Variants in LRRC4C observed in about 807,000 individuals in gnomAD.
LRRC4C encodes the protein leucine rich repeat containing 4C.
LRRC4C carries 5 observed loss-of-function variants against 33.6 expected under a neutral mutation model. That is an observed-to-expected ratio of 0.15 (90% CI 0.08 to 0.31). The LOEUF (loss-of-function observed/expected upper bound fraction) is 0.31. Ranked by LOEUF, LRRC4C falls within the 10% of genes least tolerant of loss-of-function variation. The pLI, the probability that LRRC4C is intolerant of heterozygous loss-of-function variation, is 1.00. For missense variants in LRRC4C, 560 were observed against 796.7 expected (o/e 0.70, Z 3.58); for synonymous variants, 329 against 302.0 (o/e 1.09, Z -0.93).
At chr11:40,554,685 T>G (rs1376469999) in intron 3 of LRRC4C, among the ~76,000 whole-genome samples, 3 of 152,002 alleles carry the variant, frequency 2.0e-5, no homozygotes, top group Non-Finnish European at 2.9e-5. Context: ...ACCTTCTTGA[T>G]TAGATATATT....
chr11:40,735,145 C>T (rs1381247365), intron 2 of LRRC4C, among the ~76,000 whole-genome samples: 6 of 151,814 alleles, frequency 4.0e-5, no homozygotes, highest in Admixed American at 1.3e-4. Context: ...TTCTCTTTTT[C>T]GTTTTATTCA....
intron 1 of LRRC4C, among the ~76,000 whole-genome samples, chr11:41,295,703 A>C (rs1039592619): frequency 6.6e-6 from 1 of 152,032 alleles, no homozygotes; most frequent in East Asian, 1.9e-4. Flanking sequence ...CACAGATCAT[A>C]TCATATCATG....
At chr11:40,386,039 G>A (rs955326104) in intron 3 of LRRC4C, among the ~76,000 whole-genome samples, 4 of 149,858 alleles carry the variant, frequency 2.7e-5, no homozygotes, top group Non-Finnish European at 5.9e-5. Flanking sequence ...CCCATGAAAC[G>A]AAAATAAAAG....
rs1855248129 is a variant in LRRC4C at position 40,114,255 on chromosome 11, TG to T, written c.*114del. On this transcript the variant is annotated 3_prime_UTR_variant, in exon 7 of 7. Coordinates refer to ENST00000528697, the MANE Select transcript of LRRC4C (RefSeq NM_001258419.2). ...TAATAAATAAATTTCTTTTCTTTTTTGTTTTTTTGTAAAGACACTTTTTTGA... is the reference window on the plus strand; with the variant it reads ...TAATAAATAAATTTCTTTTCTTTTTTTTTTTTTGTAAAGACACTTTTTTGA... 4 of 1,167,370 alleles carry T rather than the reference TG, an allele frequency of 3.4e-6. No homozygotes were observed. Among genetic ancestry groups the T allele is most frequent in the Non-Finnish European group, 4.6e-6 (4 of 862,516 alleles). The allele number at this position is 1,167,370 out of a possible 1,614,324, so 72.3% of individuals were successfully genotyped here.
At chr11:40,477,516 T>C (rs1043868017) in intron 3 of LRRC4C, among the ~76,000 whole-genome samples, 4 of 152,168 alleles carry the variant, frequency 2.6e-5, no homozygotes, top group African/African-American at 9.7e-5. Flanking sequence ...ATTATTTTCA[T>C]TGTTACCTTC....
intron 5 of LRRC4C, among the ~76,000 whole-genome samples, chr11:40,155,652 G>A (rs1302002398): frequency 6.6e-6 from 1 of 151,916 alleles, no homozygotes; most frequent in African/African-American, 2.4e-5. Flanking sequence ...TAGCTTAAAT[G>A]AGGAAGAATC....
chr11:41,201,921 AACACACACAC>A (rs72276649), intron 1 of LRRC4C, among the ~76,000 whole-genome samples: 2 of 150,638 alleles, frequency 1.3e-5, no homozygotes, highest in East Asian at 2.0e-4. Flanking sequence ...CACACACACA[AACACACACAC>A]ACACACACAC....
chr11:40,646,732 G>A (rs943869010), intron 3 of LRRC4C, among the ~76,000 whole-genome samples: 68 of 152,162 alleles, frequency 4.5e-4, no homozygotes, highest in African/African-American at 1.6e-3. Flanking sequence ...TCAGCCTCCC[G>A]AGTAGCTGGG....
chr11:41,151,091 A>G (rs978074341), intron 1 of LRRC4C, among the ~76,000 whole-genome samples: 2 of 151,996 alleles, frequency 1.3e-5, no homozygotes, highest in African/African-American at 4.8e-5. Context: ...ATCAGTAAGC[A>G]TTATATATAT....
At chr11:40,395,429 C>A (rs1219318687) in intron 3 of LRRC4C, among the ~76,000 whole-genome samples, 1 of 152,056 alleles carries the variant, frequency 6.6e-6, no homozygotes, top group Non-Finnish European at 1.5e-5. Flanking sequence ...CATCACCTTT[C>A]TAATAAAAGG....
chr11:40,863,636 A>G (rs960961768), intron 2 of LRRC4C, among the ~76,000 whole-genome samples: 5 of 152,148 alleles, frequency 3.3e-5, no homozygotes, highest in East Asian at 3.9e-4. Flanking sequence ...TGTGAGCCAT[A>G]TTTCTTTTCA....
intron 1 of LRRC4C, among the ~76,000 whole-genome samples, chr11:41,442,618 CA>C (rs1191204771): frequency 4.6e-5 from 7 of 151,560 alleles, no homozygotes; most frequent in Non-Finnish European, 7.4e-5. Flanking sequence ...TACAGGCGCC[CA>C]TCACCACGCC....
intron 6 of LRRC4C, among the ~76,000 whole-genome samples, chr11:40,130,858 T>C (rs987552739): frequency 2.6e-5 from 4 of 152,180 alleles, no homozygotes; most frequent in African/African-American, 9.7e-5. Context: ...TTACTTTAGA[T>C]TGAAATTACC....
chr11:40,318,958 T>A (rs1294382330), intron 4 of LRRC4C, among the ~76,000 whole-genome samples: 2 of 152,100 alleles, frequency 1.3e-5, no homozygotes, highest in Non-Finnish European at 2.9e-5. Context: ...GCAGGGAAAA[T>A]CTCATTCCTT....
chr11:40,163,425 G>A (rs186013674), intron 5 of LRRC4C, among the ~76,000 whole-genome samples: 43 of 152,226 alleles, frequency 2.8e-4, no homozygotes, highest in South Asian at 2.1e-4. Context: ...AGGAATCACC[G>A]GGTTGCAAAA....
At chr11:41,273,953 G>A (rs2136866249) in intron 1 of LRRC4C, among the ~76,000 whole-genome samples, 1 of 152,252 alleles carries the variant, frequency 6.6e-6, no homozygotes, top group South Asian at 2.1e-4. Context: ...GAAACGGAGT[G>A]ATGTTAAGGT....
chr11:40,636,118 G>A (rs1029362060), intron 3 of LRRC4C, among the ~76,000 whole-genome samples: 3 of 152,104 alleles, frequency 2.0e-5, no homozygotes, highest in Non-Finnish European at 2.9e-5. Flanking sequence ...GGTCTAAGGC[G>A]GGCCTGCCCC....
At chr11:41,239,553 T>C (rs1948167489) in intron 1 of LRRC4C, among the ~76,000 whole-genome samples, 1 of 152,116 alleles carries the variant, frequency 6.6e-6, no homozygotes, top group South Asian at 2.1e-4. Flanking sequence ...CCTAGGTAGA[T>C]GCAGGTCTCT....
chr11:41,113,408 T>C (rs1267328785), intron 1 of LRRC4C, among the ~76,000 whole-genome samples: 2 of 152,112 alleles, frequency 1.3e-5, no homozygotes, highest in African/African-American at 4.8e-5. Context: ...TTAAGCAGCA[T>C]GTGTTCTGTC....
Sources: allele counts gnomAD v4.1 joint callset (sites outside exome capture counted in the v4.1 genomes callset), GRCh38; gene constraint gnomAD v4.1.1; transcripts MANE v1.5; gene names NCBI Gene and HGNC (gene_info 2026-07-23, HGNC 2026-07-21).